Variants in CSMD3 observed in about 807,000 individuals in gnomAD.
CSMD3 encodes the protein CUB and sushi domain-containing protein 3.
A neutral mutation model predicts 435.2 loss-of-function variants in CSMD3; 177 were observed. The ratio of observed to expected loss-of-function variants is 0.41; its 90% CI spans 0.36 to 0.46. The LOEUF (loss-of-function observed/expected upper bound fraction) is 0.46, where lower values mean the gene tolerates loss of function less well. Among genes scored for constraint, CSMD3 ranks in the 20% least tolerant of loss-of-function variants. The probability of loss-of-function intolerance (pLI) is 0.34; values close to 1 mark genes in which losing one functional copy is unlikely to be tolerated. For synonymous variants in CSMD3, 1,656 were observed against 1,520.5 expected (o/e 1.09, Z -2.07); for missense variants, 4,265 against 4,504.6 (o/e 0.95, Z 1.52).
chr8:113,379,186 A>G (rs1296739531), intron 1 of CSMD3, among the ~76,000 whole-genome samples: 1 of 152,156 alleles, frequency 6.6e-6, no homozygotes, highest in Non-Finnish European at 1.5e-5. Context: ...TATAATGAAC[A>G]TGAACCCATT....
chr8:112,234,478 C>T lies in CSMD3; in HGVS notation c.10628-1G>A, dbSNP rs763513730. 1.3e-6 allele frequency: 2 copies of T among 1,544,348 alleles called. No individual in the cohort carries two copies. Among genetic ancestry groups the T allele is most frequent in the South Asian group, 1.1e-5 (1 of 89,684 alleles). ...CGAGCTTCCTGGCTTTTATATACCC[C>T]TGTAAAATGCAAGGACATTTTAGTC... On this transcript the variant is annotated splice_acceptor_variant, in intron 67 of 70. Transcript: ENST00000297405. LOFTEE classifies it high-confidence loss of function.
chr8:112,476,276 C>T (rs572651372), intron 31 of CSMD3, among the ~76,000 whole-genome samples: 1 of 152,200 alleles, frequency 6.6e-6, no homozygotes, highest in South Asian at 2.1e-4. Context: ...GAACTCCTGA[C>T]CTCAGGTTAC....
At chr8:112,702,043 C>G (rs1415292996) in intron 13 of CSMD3, among the ~76,000 whole-genome samples, 1 of 152,090 alleles carries the variant, frequency 6.6e-6, no homozygotes, top group Admixed American at 6.6e-5. Flanking sequence ...TATTGATTTA[C>G]TCATCTGTCT....
At position 112,657,790 on chromosome 8, in the gene CSMD3, G is replaced by A. The variant is rs762570184; in HGVS notation, c.2817-1449C>T. Among the ~76,000 whole-genome samples, 4 of 152,038 alleles carry A rather than the reference G, an allele frequency of 2.6e-5. No individual in the cohort carries two copies. In the East Asian group the frequency reaches 5.8e-4, roughly 22 times the overall value. On this transcript the variant is annotated intron_variant, in intron 17 of 70. Coordinates refer to ENST00000297405, the MANE Select transcript of CSMD3 (RefSeq NM_198123.2). ...TCTTTCAGTTTCAGCTTAAATATGC[G>A]AACAGCAAGACCTCTTCTGTCCTCA...
chr8:112,748,276 A>T (rs2077486575), intron 13 of CSMD3, among the ~76,000 whole-genome samples: 1 of 152,182 alleles, frequency 6.6e-6, no homozygotes. Context: ...GTGCTCTTTG[A>T]ATAGGAGTCC....
chr8:112,304,623 C>A, intron 52 of CSMD3, 98 bp downstream of exon 52: 2 of 898,588 alleles, frequency 2.2e-6, no homozygotes, highest in South Asian at 1.4e-5. Context: ...GTAATGTCAT[C>A]CAATTATTGA....
intron 10 of CSMD3, among the ~76,000 whole-genome samples, chr8:112,910,927 C>A (rs918692188): frequency 6.6e-6 from 1 of 151,868 alleles, no homozygotes; most frequent in Non-Finnish European, 1.5e-5. Context: ...TGCAGCATTT[C>A]ACAATGTTGA....
At chr8:113,051,416 A>G (rs2088086996) in intron 5 of CSMD3, among the ~76,000 whole-genome samples, 4 of 152,152 alleles carry the variant, frequency 2.6e-5, no homozygotes, top group Admixed American at 2.6e-4. Flanking sequence ...CATTCTGACA[A>G]CAATAATGGT....
At chr8:113,419,977 A>G (rs908260676) in intron 1 of CSMD3, among the ~76,000 whole-genome samples, 3 of 152,178 alleles carry the variant, frequency 2.0e-5, no homozygotes, top group Non-Finnish European at 4.4e-5. Context: ...TATATTTCAA[A>G]CAACATCCAA....
chr8:112,890,739 A>G (rs1381558623), intron 10 of CSMD3, among the ~76,000 whole-genome samples: 2 of 151,690 alleles, frequency 1.3e-5, no homozygotes, highest in Non-Finnish European at 3.0e-5. Flanking sequence ...ATATTTTCTG[A>G]AAGACAAAAC....
At chr8:112,268,069 T>C (rs186917850) in intron 59 of CSMD3, among the ~76,000 whole-genome samples, 2 of 152,286 alleles carry the variant, frequency 1.3e-5, no homozygotes, top group Admixed American at 6.5e-5. Context: ...AAGAAGATCA[T>C]TGACCTTCTT....
intron 30 of CSMD3, among the ~76,000 whole-genome samples, chr8:112,494,572 T>TACAAGTAC (rs1821145951): frequency 7.6e-6 from 1 of 130,864 alleles, no homozygotes; most frequent in Non-Finnish European, 1.6e-5. Flanking sequence ...TCTTTCTTTC[T>TACAAGTAC]TTTCTTTCTT....
intron 22 of CSMD3, among the ~76,000 whole-genome samples, chr8:112,615,934 T>C (rs1833628116): frequency 6.6e-6 from 1 of 152,180 alleles, no homozygotes; most frequent in South Asian, 2.1e-4. Context: ...AATCCCTTTC[T>C]TTGTTATTTA....
At chr8:112,401,441 ATATT>A (rs1205258790) in intron 35 of CSMD3, among the ~76,000 whole-genome samples, 4 of 152,028 alleles carry the variant, frequency 2.6e-5, no homozygotes, top group African/African-American at 9.7e-5. Flanking sequence ...GGATATAAGA[ATATT>A]TATTTCTTTG....
intron 4 of CSMD3, among the ~76,000 whole-genome samples, chr8:113,145,609 AG>A (rs1368917373): frequency 6.6e-6 from 1 of 151,674 alleles, no homozygotes; most frequent in Non-Finnish European, 1.5e-5. Context: ...AGTCAACCAA[AG>A]GTATAATGGT....
chr8:112,810,064 C>T (rs1249155916), intron 12 of CSMD3, among the ~76,000 whole-genome samples: 2 of 152,138 alleles, frequency 1.3e-5, no homozygotes, highest in Non-Finnish European at 2.9e-5. Context: ...AACCCTCCCA[C>T]TTTTTGTTTC....
intron 1 of CSMD3, among the ~76,000 whole-genome samples, chr8:113,378,762 A>AGTTGTGTGTGTGT (rs2094401533): frequency 6.7e-6 from 1 of 148,166 alleles, no homozygotes; most frequent in African/African-American, 2.5e-5. Flanking sequence ...GTCACACTGA[A>AGTTGTGTGTGTGT]GTGTGTGTGT....
Position 113,067,998 on chromosome 8 carries a change from G to A in CSMD3, c.917+30758C>T, listed in dbSNP as rs73334014. ...AATTGACTACAAGGGACTGACTTAG[G>A]TACTTTGAATAAAATTTCATTACTT... On this transcript the variant is annotated intron_variant, in intron 5 of 70. Coordinates refer to ENST00000297405, the MANE Select transcript of CSMD3 (RefSeq NM_198123.2). 8.2e-3 allele frequency among the ~76,000 whole-genome samples: 1,254 copies of A among 152,166 alleles called. 30 individuals are homozygous for A. Among genetic ancestry groups the A allele is most frequent in the African/African-American group, 0.029 (1,186 of 41,534 alleles).
chr8:113,263,386 AT>A (rs2093442672), intron 3 of CSMD3, among the ~76,000 whole-genome samples: 1 of 152,010 alleles, frequency 6.6e-6, no homozygotes, highest in Non-Finnish European at 1.5e-5. Flanking sequence ...TTTCTGAATA[AT>A]TCTAAAGTCC....
Sources: gnomAD v4.1 joint callset for allele counts (sites outside exome capture counted in the v4.1 genomes callset) on GRCh38, gnomAD v4.1.1 for gene constraint, MANE v1.5 for transcripts, NCBI Gene and HGNC (gene_info 2026-07-23, HGNC 2026-07-21) for gene names.